Variants in TSPAN13 observed in about 807,000 individuals in gnomAD.
TSPAN13 encodes the protein tetraspanin-13.
Under a neutral mutation model 26.9 loss-of-function variants are expected in TSPAN13, and 18 were observed. The observed-to-expected ratio is 0.67, with a 90% confidence interval of 0.46 to 0.99. The LOEUF (loss-of-function observed/expected upper bound fraction) is 0.99. Ranked by LOEUF, TSPAN13 falls within the 50% of genes least tolerant of loss-of-function variation. The pLI, the probability that TSPAN13 is intolerant of heterozygous loss-of-function variation, is 0.00. For synonymous variants in TSPAN13, 116 were observed against 98.4 expected (o/e 1.18, Z -1.06); for missense variants, 201 against 249.6 (o/e 0.81, Z 1.31).
intron 1 of TSPAN13, among the ~76,000 whole-genome samples, chr7:16,772,420 C>G (rs1360116329): frequency 6.6e-6 from 1 of 152,126 alleles, no homozygotes; most frequent in African/African-American, 2.4e-5. Context: ...ACCAGAAGTC[C>G]AAAATCAAGG....
intron 1 of TSPAN13, among the ~76,000 whole-genome samples, chr7:16,755,127 G>A (rs1275288055): frequency 1.3e-5 from 2 of 151,930 alleles, no homozygotes; most frequent in Non-Finnish European, 2.9e-5. Context: ...AAATATACCT[G>A]GCGCTTTGCA....
At chr7:16,757,825 A>T (rs1005079402) in intron 1 of TSPAN13, among the ~76,000 whole-genome samples, 4 of 152,028 alleles carry the variant, frequency 2.6e-5, no homozygotes, top group Non-Finnish European at 5.9e-5. Context: ...GTTGGGATGC[A>T]TTTTATTGTT....
chr7:16,759,803 A>G (rs1784522094), intron 1 of TSPAN13, among the ~76,000 whole-genome samples: 1 of 150,486 alleles, frequency 6.6e-6, no homozygotes. Flanking sequence ...ATCCTCCCAC[A>G]TCAGCCTACC....
In TSPAN13 at chr7:16,777,930, A is replaced by G. The variant is rs781222215; in HGVS notation, c.426+19A>G. 8 of 1,568,818 alleles carry G rather than the reference A, an allele frequency of 5.1e-6. No homozygotes were observed. The Admixed American group carries it at 1.4e-4, about 28-fold the overall frequency. On this transcript the variant is annotated intron_variant, in intron 4 of 5. Coordinates refer to ENST00000262067, the MANE Select transcript of TSPAN13 (RefSeq NM_014399.4). ...TCTGGCTGTAAGTACATTGTATAAT[A>G]TATGTTTTTGGAAATGTATTACAGA...
chr7:16,764,937 T>TC (rs1784588992), intron 1 of TSPAN13, among the ~76,000 whole-genome samples: 1 of 151,622 alleles, frequency 6.6e-6, no homozygotes, highest in South Asian at 2.1e-4. Flanking sequence ...TGTTTTTGTT[T>TC]TTTTTTTGAG....
intron 1 of TSPAN13, among the ~76,000 whole-genome samples, chr7:16,754,649 C>G (rs1050265651): frequency 3.9e-5 from 6 of 152,122 alleles, no homozygotes; most frequent in African/African-American, 1.4e-4. Context: ...GGTGCTTTTT[C>G]TGTGTGTCTT....
chr7:16,755,061 G>A (rs1784467325), intron 1 of TSPAN13, among the ~76,000 whole-genome samples: 1 of 151,944 alleles, frequency 6.6e-6, no homozygotes, highest in African/African-American at 2.4e-5. Flanking sequence ...TCTACCGGGC[G>A]GAAGAAACTT....
rs1784842759 is a variant in TSPAN13, at chr7:16,783,851, T to A, written c.*360T>A. 4.2e-6 allele frequency: 1 copy of A among 236,864 alleles called. No homozygotes were observed. Among genetic ancestry groups the A allele is most frequent in the Non-Finnish European group, 8.4e-6 (1 of 118,624 alleles). The allele number at this position is 236,864 out of a possible 1,614,324, so 14.7% of individuals were successfully genotyped here. ...CGTACATCTCACTGGTATAATTATA[T>A]GTAGCACTGTGCTGTGTAGATAGTT... On this transcript the variant is annotated 3_prime_UTR_variant, in exon 6 of 6. Transcript: ENST00000262067.
chr7:16,765,137 C>T (rs1443026307), intron 1 of TSPAN13, among the ~76,000 whole-genome samples: 4 of 152,046 alleles, frequency 2.6e-5, no homozygotes, highest in Admixed American at 2.0e-4. Flanking sequence ...GGGTCTTGCT[C>T]TGTTGCCCAG....
intron 1 of TSPAN13, among the ~76,000 whole-genome samples, chr7:16,762,634 G>T (rs993596070): frequency 6.6e-6 from 1 of 152,168 alleles, no homozygotes; most frequent in South Asian, 2.1e-4. Flanking sequence ...AGCTATCACT[G>T]CTTAAAATGG....
At chr7:16,764,831 C>T (rs1324367107) in intron 1 of TSPAN13, among the ~76,000 whole-genome samples, 1 of 152,132 alleles carries the variant, frequency 6.6e-6, no homozygotes, top group East Asian at 1.9e-4. Context: ...AAAAAAGTCA[C>T]ATTACTCCTC....
chr7:16,774,273 T>C (rs913087925), intron 1 of TSPAN13, among the ~76,000 whole-genome samples: 1 of 152,200 alleles, frequency 6.6e-6, no homozygotes, highest in African/African-American at 2.4e-5. Flanking sequence ...AATAGATAGA[T>C]AGATGTAGAT....
chr7:16,758,081 C>T (rs1020279584), intron 1 of TSPAN13, among the ~76,000 whole-genome samples: 39 of 152,148 alleles, frequency 2.6e-4, no homozygotes, highest in African/African-American at 8.7e-4. Context: ...GCGATCCACC[C>T]GCCTCGGTCT....
chr7:16,758,586 A>G (rs1784508224), intron 1 of TSPAN13, among the ~76,000 whole-genome samples: 1 of 152,234 alleles, frequency 6.6e-6, no homozygotes, highest in Non-Finnish European at 1.5e-5. Context: ...AAACTCGTAT[A>G]AAACAATATT....
intron 4 of TSPAN13, 51 bp downstream of exon 4, chr7:16,777,962 A>C: frequency 7.5e-7 from 1 of 1,324,596 alleles, no homozygotes; most frequent in Non-Finnish European, 1.1e-6. Context: ...CAGATAAATA[A>C]TGATTAATGT....
chr7:16,768,284 G>A (rs372939592), intron 1 of TSPAN13, among the ~76,000 whole-genome samples: 2 of 152,106 alleles, frequency 1.3e-5, no homozygotes, highest in East Asian at 1.9e-4. Context: ...CATTTGTCTC[G>A]TATTTTTCAC....
chr7:16,768,422 A>G (rs1784633769), intron 1 of TSPAN13, among the ~76,000 whole-genome samples: 1 of 152,192 alleles, frequency 6.6e-6, no homozygotes, highest in Non-Finnish European at 1.5e-5. Flanking sequence ...ACCTTGGGCA[A>G]GTTACTTAAC....
intron 1 of TSPAN13, among the ~76,000 whole-genome samples, chr7:16,771,082 G>A (rs1784672145): frequency 6.6e-6 from 1 of 152,106 alleles, no homozygotes. Context: ...ATCCTTTCCC[G>A]TTAGGGACTG....
At chr7:16,757,014 T>A (rs1784487760) in intron 1 of TSPAN13, among the ~76,000 whole-genome samples, 1 of 152,218 alleles carries the variant, frequency 6.6e-6, no homozygotes, top group Non-Finnish European at 1.5e-5. Context: ...CTGTGTGCAC[T>A]CTTTTGAGAA....
Sources: allele counts gnomAD v4.1 joint callset (sites outside exome capture counted in the v4.1 genomes callset), GRCh38; gene constraint gnomAD v4.1.1; transcripts MANE v1.5; gene names NCBI Gene and HGNC (gene_info 2026-07-23, HGNC 2026-07-21).